NFIL3: variants seen among roughly 807,000 people sequenced by gnomAD.
NFIL3 encodes nuclear factor interleukin-3-regulated protein.
In NFIL3, 5 loss-of-function variants were observed where a neutral mutation model predicts 10.0. The ratio of observed to expected loss-of-function variants is 0.50; its 90% CI spans 0.26 to 1.06. The LOEUF (loss-of-function observed/expected upper bound fraction) is 1.06. Ranked by LOEUF, NFIL3 falls within the 50% of genes least tolerant of loss-of-function variation. The pLI, the probability that NFIL3 is intolerant of heterozygous loss-of-function variation, is 0.13. For synonymous variants in NFIL3, 202 were observed against 206.5 expected (o/e 0.98, Z 0.19); for missense variants, 436 against 547.6 (o/e 0.80, Z 2.03).
chr9:91,436,400 A>G, the NFIL3 span, among the ~76,000 whole-genome samples: 1 of 152,160 alleles, frequency 6.6e-6, no homozygotes, highest in Admixed American at 6.5e-5. Context: ...AACACGGTGA[A>G]ACCTCGTCTC....
the NFIL3 span, among the ~76,000 whole-genome samples, chr9:91,435,808 G>C: frequency 0.018 from 2,783 of 152,238 alleles, 21 homozygotes; most frequent in Non-Finnish European, 0.022. Context: ...ATGCATGCCA[G>C]GTACTATCAG....
chr9:91,429,792 A>C, the NFIL3 span, among the ~76,000 whole-genome samples: 7 of 152,006 alleles, frequency 4.6e-5, no homozygotes, highest in Non-Finnish European at 7.4e-5. Context: ...CAGGATGATA[A>C]AAGAGCCAGC....
At chr9:91,437,431 A>C in the NFIL3 span, among the ~76,000 whole-genome samples, 1 of 152,238 alleles carries the variant, frequency 6.6e-6, no homozygotes, top group African/African-American at 2.4e-5. Context: ...GGATACATGT[A>C]GATAGTAAAA....
chr9:91,444,666 T>C, the NFIL3 span, among the ~76,000 whole-genome samples: 1 of 152,242 alleles, frequency 6.6e-6, no homozygotes, highest in Non-Finnish European at 1.5e-5. Flanking sequence ...TGGGTGTAGT[T>C]ATGTAATTCT....
At chr9:91,464,960 T>C in the NFIL3 span, among the ~76,000 whole-genome samples, 2 of 152,252 alleles carry the variant, frequency 1.3e-5, no homozygotes, top group South Asian at 4.1e-4. Flanking sequence ...ATTTTCTTTT[T>C]GTTTTGGTTT....
At chr9:91,443,473 G>A in the NFIL3 span, among the ~76,000 whole-genome samples, 1 of 152,244 alleles carries the variant, frequency 6.6e-6, no homozygotes, top group East Asian at 1.9e-4. Flanking sequence ...TGCCTGAGCT[G>A]CCGTCAGCAC....
At chr9:91,475,802 C>T in the NFIL3 span, among the ~76,000 whole-genome samples, 1 of 152,088 alleles carries the variant, frequency 6.6e-6, no homozygotes, top group Non-Finnish European at 1.5e-5. Flanking sequence ...ACCATAAATA[C>T]GATAATATAG....
chr9:91,468,292 G>T, the NFIL3 span, among the ~76,000 whole-genome samples: 1 of 152,224 alleles, frequency 6.6e-6, no homozygotes. Flanking sequence ...GGCCAGTGAT[G>T]ATGAGCATTT....
At chr9:91,473,710 C>T in the NFIL3 span, among the ~76,000 whole-genome samples, 3 of 152,238 alleles carry the variant, frequency 2.0e-5, no homozygotes. Context: ...CCTCCGTGGG[C>T]TGCACCTACT....
chr9:91,431,614 T>A, the NFIL3 span, among the ~76,000 whole-genome samples: 1 of 152,184 alleles, frequency 6.6e-6, no homozygotes, highest in African/African-American at 2.4e-5. Flanking sequence ...AGCTGGAGAC[T>A]AGAAGCAAGT....
the NFIL3 span, among the ~76,000 whole-genome samples, chr9:91,433,237 A>C: frequency 6.6e-6 from 1 of 152,248 alleles, no homozygotes; most frequent in Non-Finnish European, 1.5e-5. Flanking sequence ...ATCATTTGTA[A>C]TAGAATGGCT....
chr9:91,451,928 A>G, the NFIL3 span, among the ~76,000 whole-genome samples: 1 of 152,202 alleles, frequency 6.6e-6, no homozygotes, highest in African/African-American at 2.4e-5. Flanking sequence ...AGTAGAGTAA[A>G]ATCCTAGACC....
chr9:91,453,361 T>G, the NFIL3 span, among the ~76,000 whole-genome samples: 1 of 152,026 alleles, frequency 6.6e-6, no homozygotes, highest in African/African-American at 2.4e-5. Flanking sequence ...CATAGAAATT[T>G]TTGGAGGGAC....
chr9:91,422,403 C>CTT (rs1455699885), intron 1 of NFIL3, among the ~76,000 whole-genome samples: 4 of 151,946 alleles, frequency 2.6e-5, no homozygotes, highest in Non-Finnish European at 5.9e-5. Flanking sequence ...GACACACATT[C>CTT]GGCAGCATGA....
At chr9:91,433,065 AG>A in the NFIL3 span, among the ~76,000 whole-genome samples, 2 of 152,226 alleles carry the variant, frequency 1.3e-5, no homozygotes, top group Non-Finnish European at 2.9e-5. Context: ...CATTGCAATG[AG>A]ACAGGAAAAA....
At chr9:91,470,516 C>T in the NFIL3 span, among the ~76,000 whole-genome samples, 1 of 151,866 alleles carries the variant, frequency 6.6e-6, no homozygotes, top group East Asian at 1.9e-4. Context: ...ATGTCTCTAT[C>T]TTCTTCAGTT....
chr9:91,421,657 G>A (rs929624350), intron 1 of NFIL3, among the ~76,000 whole-genome samples: 1 of 152,032 alleles, frequency 6.6e-6, no homozygotes, highest in Non-Finnish European at 1.5e-5. Context: ...TCGGAAGGTG[G>A]CGCCACGCGG....
Position 91,409,284 on chromosome 9 carries a change from A to G in NFIL3, c.*62T>C. The G allele has an allele frequency of 6.8e-7, 1 of 1,466,374 alleles. No homozygotes were observed. The highest frequency in any genetic ancestry group is 9.2e-7 in the Non-Finnish European group (1 of 1,091,234). The allele number at this position is 1,466,374 out of a possible 1,614,324, so 90.8% of individuals were successfully genotyped here. On this transcript the variant is annotated 3_prime_UTR_variant, in exon 2 of 2. Coordinates refer to ENST00000297689, the MANE Select transcript of NFIL3 (RefSeq NM_005384.3). ...TCCAGTGAAAATTCAGCATAATACA[A>G]AATGGACTGCTCTATTGCAAATGAC... is the stretch of plus-strand genomic sequence containing the variant.
chr9:91,413,194 A>G (rs1215283237), intron 1 of NFIL3, among the ~76,000 whole-genome samples: 1 of 152,152 alleles, frequency 6.6e-6, no homozygotes, highest in African/African-American at 2.4e-5. Flanking sequence ...AGTGTGTCAC[A>G]GTCAGCAGTG....
Sources: gnomAD v4.1 joint callset for allele counts (sites outside exome capture counted in the v4.1 genomes callset) on GRCh38, gnomAD v4.1.1 for gene constraint, MANE v1.5 for transcripts, NCBI Gene and HGNC (gene_info 2026-07-23, HGNC 2026-07-21) for gene names.